The following KDM3B variants were observed in gnomAD, a reference collection of about 807,000 sequenced individuals.
The protein encoded by KDM3B is lysine-specific demethylase 3B.
Under a neutral mutation model 170.0 loss-of-function variants are expected in KDM3B, and 10 were observed. The ratio of observed to expected loss-of-function variants is 0.06; its 90% CI spans 0.04 to 0.10. The LOEUF is 0.10. Ranked by LOEUF, KDM3B falls within the 10% of genes least tolerant of loss-of-function variation. The probability of loss-of-function intolerance (pLI) is 1.00; values close to 1 mark genes in which losing one functional copy is unlikely to be tolerated. For synonymous variants in KDM3B, 831 were observed against 834.8 expected (o/e 1.00, Z 0.08); for missense variants, 1,394 against 2,195.2 (o/e 0.64, Z 7.29).
intron 12 of KDM3B, among the ~76,000 whole-genome samples, chr5:138,416,747 C>T (rs1173580684): frequency 6.6e-6 from 1 of 152,010 alleles, no homozygotes; most frequent in East Asian, 1.9e-4. Context: ...AATATTTAGC[C>T]ATATAAAGTT....
At chr5:138,366,026 A>G (rs185654052) in intron 1 of KDM3B, among the ~76,000 whole-genome samples, 1 of 152,128 alleles carries the variant, frequency 6.6e-6, no homozygotes, top group Admixed American at 6.6e-5. Flanking sequence ...TCTTTTTAAA[A>G]AAGGAAACAT....
intron 19 of KDM3B, 116 bp downstream of exon 19, chr5:138,427,435 A>G: frequency 2.6e-6 from 3 of 1,173,578 alleles, no homozygotes; most frequent in Non-Finnish European, 3.6e-6. Flanking sequence ...AGTGCTGGAG[A>G]AGTGAATAGT....
At chr5:138,398,727 A>G (rs1044372616) in intron 10 of KDM3B, among the ~76,000 whole-genome samples, 2 of 152,048 alleles carry the variant, frequency 1.3e-5, no homozygotes, top group Non-Finnish European at 2.9e-5. Context: ...TGTATTAATA[A>G]GCTCTGTGGT....
intron 17 of KDM3B, chr5:138,425,862 T>C (rs1763378520): frequency 4.0e-6 from 1 of 252,374 alleles, no homozygotes; most frequent in Non-Finnish European, 7.9e-6. Flanking sequence ...AAAAATTAGC[T>C]GGGTATGGTG....
At chr5:138,373,342 A>C (rs1761919430) in intron 2 of KDM3B, among the ~76,000 whole-genome samples, 1 of 152,224 alleles carries the variant, frequency 6.6e-6, no homozygotes, top group Non-Finnish European at 1.5e-5. Context: ...CCTGTCTCAA[A>C]AACAAAAAAA....
At chr5:138,353,055 C>T in intron 1 of KDM3B, 68 bp downstream of exon 1, 5 of 1,137,432 alleles carry the variant, frequency 4.4e-6, no homozygotes, top group Admixed American at 4.4e-5. Flanking sequence ...TCCCCGGGGG[C>T]CTTTGTGAGG....
chr5:138,426,280 G>A (rs1259609433), intron 17 of KDM3B, among the ~76,000 whole-genome samples: 1 of 152,014 alleles, frequency 6.6e-6, no homozygotes, highest in Non-Finnish European at 1.5e-5. Context: ...GAAATAAAAG[G>A]TTAATCTCCC....
chr5:138,385,980 A>T (rs747615434), intron 6 of KDM3B, 42 bp from the exon 7 acceptor site: 5 of 1,554,596 alleles, frequency 3.2e-6, no homozygotes, highest in Admixed American at 1.9e-5. Context: ...TATTCACAGG[A>T]TGAAAGTTTC....
chr5:138,382,231 T>G (rs573599620), intron 6 of KDM3B, among the ~76,000 whole-genome samples: 2 of 152,076 alleles, frequency 1.3e-5, no homozygotes, highest in South Asian at 4.2e-4. Flanking sequence ...GCGGATCACC[T>G]GAGGTCAGGA....
rs1763682863 is a variant in KDM3B at position 138,436,735 on chromosome 5, G to C, written c.*1035G>C. The C allele has an allele frequency of 6.6e-6, 1 of 152,052 alleles. No individual in the cohort carries two copies. The highest frequency in any genetic ancestry group is 1.5e-5 in the Non-Finnish European group (1 of 68,008). The allele number at this position is 152,052 out of a possible 1,614,324, so 9.4% of individuals were successfully genotyped here. ...GTTGATTTCCAACATGAGGTTTTTTGTTTTTTATCCAGAAATATTTTCAGC... is the reference window on the plus strand; with the variant it reads ...GTTGATTTCCAACATGAGGTTTTTTCTTTTTTATCCAGAAATATTTTCAGC... On this transcript the variant is annotated 3_prime_UTR_variant, in exon 24 of 24. Coordinates refer to ENST00000314358, the MANE Select transcript of KDM3B (RefSeq NM_016604.4).
chr5:138,362,294 A>G (rs1761628917), intron 1 of KDM3B, among the ~76,000 whole-genome samples: 1 of 151,254 alleles, frequency 6.6e-6, no homozygotes, highest in African/African-American at 2.4e-5. Context: ...TCCAGCCTGA[A>G]AAAAAAAACA....
Position 138,352,818 on chromosome 5 carries a change from C to A in KDM3B, c.23C>A (p.Pro8Gln). Residue 8 changes from proline (P) to glutamine (Q), a missense_variant, in exon 1 of 24, where the codon CCG becomes CAG. Around this residue, in one of 19 missense-constraint regions of KDM3B, gnomAD observed 99 missense variants for 97.5 expected, o/e 1.02. Transcript: ENST00000314358. The stretch of plus-strand genomic sequence containing the variant: ...GCGATGGCGGACGCGGCGGCCTCCC[C>A]GGTGGGCAAGCGGCTGCTGCTGCTG... Reference protein sequence around the residue: MADAAASPVGKRLLLLFA... With the variant: MADAAASQVGKRLLLLFA... 1 of 1,328,078 alleles carries A rather than the reference C, an allele frequency of 7.5e-7. No individual in the cohort carries two copies. Among genetic ancestry groups the A allele is most frequent in the Middle Eastern group, 2.9e-4 (1 of 3,496 alleles). 82.3% of individuals were successfully genotyped at this position (1,328,078 alleles called of 1,614,324 possible).
intron 7 of KDM3B, among the ~76,000 whole-genome samples, chr5:138,388,460 G>A (rs902605515): frequency 8.6e-5 from 13 of 151,464 alleles, no homozygotes; most frequent in Non-Finnish European, 1.8e-4. Context: ...GTGAAACCCC[G>A]TCTCTACTAA....
chr5:138,427,443 A>G, intron 19 of KDM3B, 124 bp downstream of exon 19: 3 of 1,100,132 alleles, frequency 2.7e-6, no homozygotes, highest in Non-Finnish European at 3.9e-6. Context: ...AGAAGTGAAT[A>G]GTATCCAAGG....
intron 11 of KDM3B, among the ~76,000 whole-genome samples, chr5:138,404,394 A>G (rs1015106511): frequency 2.0e-5 from 3 of 152,308 alleles, no homozygotes; most frequent in Middle Eastern, 3.4e-3. Flanking sequence ...TGGGAGGCCA[A>G]GGTGGGCGGG....
rs776648161 is a variant in KDM3B, at chr5:138,392,020, G to T, written c.2388G>T (p.Arg796Ser). 6.2e-7 allele frequency: 1 copy of T among 1,614,106 alleles called. No homozygotes were observed. Among genetic ancestry groups the T allele is most frequent in the South Asian group, 1.1e-5 (1 of 91,086 alleles). ...AAGCTCCTTTTGAAGCTGTGAAAAGGTTCTCACTGGATGAACGAAGCTTGG... is the reference window on the plus strand; with the variant it reads ...AAGCTCCTTTTGAAGCTGTGAAAAGTTTCTCACTGGATGAACGAAGCTTGG... ...ENKAPFEAVKRFSLDERSLAC... is the reference protein window; with the variant it reads ...ENKAPFEAVKSFSLDERSLAC... Residue 796 changes from arginine to serine, a missense_variant, in exon 8 of 24, where the codon AGG becomes AGT. Physicochemically the swap from Arg to Ser is moderately radical, Grantham distance 110. Transcript: ENST00000314358.
At chr5:138,418,075 G>GTTTTTTTTTTTTTTTTTTTTTTTT (rs34275336) in intron 13 of KDM3B, 2 of 96,798 alleles carry the variant, frequency 2.1e-5, no homozygotes, top group Non-Finnish European at 4.0e-5. Flanking sequence ...TTTGGTTTTG[G>GTTTTTTTTTTTTTTTTTTTTTTTT]TTTTTTTTTT....
chr5:138,402,578 G>C (rs1025364551), intron 11 of KDM3B, among the ~76,000 whole-genome samples: 2 of 152,152 alleles, frequency 1.3e-5, no homozygotes, highest in African/African-American at 4.8e-5. Context: ...CACCCACCAG[G>C]TATTCCATAA....
intron 10 of KDM3B, 46 bp downstream of exon 10, chr5:138,398,438 CTTTTA>C (rs1304932030): frequency 1.6e-5 from 24 of 1,530,022 alleles, no homozygotes; most frequent in Non-Finnish European, 2.1e-5. Flanking sequence ...TAGTGAAAAA[CTTTTA>C]TTTTCTTTCA....
Sources: gnomAD v4.1 joint callset for allele counts (sites outside exome capture counted in the v4.1 genomes callset) on GRCh38, gnomAD v4.1.1 for gene constraint, gnomAD v4.1.1 regional missense constraint, MANE v1.5 for transcripts, NCBI Gene and HGNC (gene_info 2026-07-23, HGNC 2026-07-21) for gene names.